The following RTL4 variants were observed in gnomAD, a reference collection of about 807,000 sequenced individuals.
The protein encoded by RTL4 is retrotransposon Gag-like protein 4.
In RTL4, 4 loss-of-function variants were observed where a neutral mutation model predicts 5.3. The ratio of observed to expected loss-of-function variants is 0.75; its 90% CI spans 0.37 to 1.72. The LOEUF is 1.72. RTL4 is among the 40% of genes most tolerant of loss of function. RTL4 has a pLI of 0.04. For missense variants in RTL4, 260 were observed against 227.1 expected (o/e 1.14, Z -0.93); for synonymous variants, 98 against 87.3 (o/e 1.12, Z -0.68).
At chrX:112,277,137 C>T in the RTL4 span, among the ~76,000 whole-genome samples, 18 of 111,501 alleles carry the variant, frequency 1.6e-4, no homozygotes, top group African/African-American at 5.9e-4. Flanking sequence ...CCAGGGAAAG[C>T]TTCTGAGGTA....
the RTL4 span, among the ~76,000 whole-genome samples, chrX:112,324,511 T>A: frequency 9.0e-6 from 1 of 111,543 alleles, no homozygotes; most frequent in South Asian, 3.8e-4. Context: ...TGTTTTGGGT[T>A]TAATTACTTC....
chrX:112,453,583 A>T (rs1926779992), upstream of RTL4, among the ~76,000 whole-genome samples: 1 of 111,902 alleles, frequency 8.9e-6, no homozygotes, highest in African/African-American at 3.2e-5. Flanking sequence ...GAAAACATGG[A>T]TTAACTGCCA....
At chrX:112,118,575 C>A in the RTL4 span, among the ~76,000 whole-genome samples, 1 of 111,920 alleles carries the variant, frequency 8.9e-6, no homozygotes, top group Admixed American at 9.5e-5. Flanking sequence ...ATTTGTCACA[C>A]AGATCAACCC....
the RTL4 span, among the ~76,000 whole-genome samples, chrX:112,309,377 C>T: frequency 9.0e-6 from 1 of 111,217 alleles, no homozygotes; most frequent in Admixed American, 9.6e-5. Flanking sequence ...ACTACCACCC[C>T]AAAGCTCCAT....
At chrX:112,409,278 A>G in the RTL4 span, among the ~76,000 whole-genome samples, 1 of 112,466 alleles carries the variant, frequency 8.9e-6, no homozygotes, top group Admixed American at 9.4e-5. Flanking sequence ...GCTTGGAGAC[A>G]AAGTTAAGGT....
At chrX:112,275,357 T>C in the RTL4 span, among the ~76,000 whole-genome samples, 2 of 111,106 alleles carry the variant, frequency 1.8e-5, no homozygotes, top group Non-Finnish European at 1.9e-5. Flanking sequence ...TAGATTAGCT[T>C]TGGACTAGCC....
the RTL4 span, among the ~76,000 whole-genome samples, chrX:112,327,770 A>C: frequency 2.2e-3 from 245 of 111,200 alleles, 3 homozygotes; most frequent in Non-Finnish European, 2.1e-3. Context: ...GGTCGGGTTA[A>C]CCTCAAAGGG....
the RTL4 span, among the ~76,000 whole-genome samples, chrX:112,401,031 C>T: frequency 3.6e-5 from 4 of 111,906 alleles, no homozygotes; most frequent in Non-Finnish European, 7.5e-5. Flanking sequence ...CCTTGTTTTT[C>T]GTCCATCTGT....
At chrX:112,314,070 A>G in the RTL4 span, among the ~76,000 whole-genome samples, 1 of 111,629 alleles carries the variant, frequency 9.0e-6, no homozygotes, top group Non-Finnish European at 1.9e-5. Context: ...TCATCATTGT[A>G]TAGTTTTGCA....
At chrX:112,160,061 G>A in the RTL4 span, among the ~76,000 whole-genome samples, 2 of 111,638 alleles carry the variant, frequency 1.8e-5, no homozygotes, top group East Asian at 2.8e-4. Flanking sequence ...GCTGCATGTT[G>A]TTTGTCTTAT....
chrX:112,084,535 C>T, the RTL4 span, among the ~76,000 whole-genome samples: 15 of 110,654 alleles, frequency 1.4e-4, no homozygotes, highest in Admixed American at 7.7e-4. Flanking sequence ...GATTCTTTGC[C>T]TTTCATTCAA....
chrX:112,455,838 C>CA, exon 1 of RTL4: 1 of 435,690 alleles, frequency 2.3e-6, no homozygotes, highest in Non-Finnish European at 3.8e-6. Flanking sequence ...AATTACCCCT[C>CA]ACGAAACCTA....
the RTL4 span, among the ~76,000 whole-genome samples, chrX:112,173,803 T>C: frequency 8.1e-5 from 9 of 110,668 alleles, no homozygotes; most frequent in Admixed American, 7.7e-4. Flanking sequence ...TGTAGTTTTA[T>C]AATAGGTGGT....
the RTL4 span, among the ~76,000 whole-genome samples, chrX:112,115,015 G>A: frequency 9.0e-6 from 1 of 110,869 alleles, no homozygotes; most frequent in Non-Finnish European, 1.9e-5. Context: ...CAGGGTTTTT[G>A]GGTCAAATTG....
At chrX:112,424,873 T>A in the RTL4 span, among the ~76,000 whole-genome samples, 5 of 110,984 alleles carry the variant, frequency 4.5e-5, no homozygotes, top group Admixed American at 4.8e-4. Context: ...TCCCCCATTA[T>A]CAACATCCTG....
chrX:112,136,289 T>G, the RTL4 span, among the ~76,000 whole-genome samples: 5 of 111,853 alleles, frequency 4.5e-5, no homozygotes, highest in African/African-American at 1.6e-4. Context: ...TAATTGTCCT[T>G]CTTACTTTCT....
chrX:112,301,920 C>T, the RTL4 span, among the ~76,000 whole-genome samples: 118 of 106,390 alleles, frequency 1.1e-3, no homozygotes, highest in African/African-American at 3.3e-3. Flanking sequence ...GAGCTGTGAT[C>T]GTGCCAATGC....
the RTL4 span, among the ~76,000 whole-genome samples, chrX:112,236,450 T>C: frequency 2.5e-5 from 2 of 81,358 alleles, no homozygotes; most frequent in Non-Finnish European, 4.5e-5. Context: ...TATCTATATA[T>C]AGATATAGAT....
At chrX:112,220,412 G>A in the RTL4 span, among the ~76,000 whole-genome samples, 1 of 112,628 alleles carries the variant, frequency 8.9e-6, no homozygotes, top group Non-Finnish European at 1.9e-5. Context: ...GGGGCCCTGG[G>A]CCCAGCCCAT....
Sources: allele counts gnomAD v4.1 joint callset (sites outside exome capture counted in the v4.1 genomes callset), GRCh38; gene constraint gnomAD v4.1.1; transcripts MANE v1.5; gene names NCBI Gene and HGNC (gene_info 2026-07-23, HGNC 2026-07-21).